EPAS1: variants seen among roughly 807,000 people sequenced by gnomAD.
EPAS1 encodes the protein endothelial PAS domain-containing protein 1.
Under a neutral mutation model 87.9 loss-of-function variants are expected in EPAS1, and 23 were observed. The ratio of observed to expected loss-of-function variants is 0.26; its 90% CI spans 0.19 to 0.37. The LOEUF (loss-of-function observed/expected upper bound fraction) is 0.37. Among genes scored for constraint, EPAS1 ranks in the 10% least tolerant of loss-of-function variants. EPAS1 has a pLI of 1.00. For synonymous variants in EPAS1, 508 were observed against 444.3 expected, an observed-to-expected ratio of 1.14 and a Z score of -1.80; for missense variants, 1,138 against 1,120.7, an observed-to-expected ratio of 1.02 and a Z score of -0.22.
intron 1 of EPAS1, among the ~76,000 whole-genome samples, chr2:46,341,500 A>G (rs773679300): frequency 6.6e-6 from 1 of 152,228 alleles, no homozygotes; most frequent in Non-Finnish European, 1.5e-5. Flanking sequence ...TCTGTGTGGC[A>G]TCTATTTCAC....
At chr2:46,370,284 G>A (rs1398136734) in intron 7 of EPAS1, among the ~76,000 whole-genome samples, 1 of 152,212 alleles carries the variant, frequency 6.6e-6, no homozygotes, top group Non-Finnish European at 1.5e-5. Flanking sequence ...GCACTGTAGA[G>A]AGTAAAATAA....
At position 46,309,689 on chromosome 2, in the gene EPAS1, A is replaced by G. The variant is rs143796294; in HGVS notation, c.26+11752A>G. Among the ~76,000 whole-genome samples, 24 of 152,284 alleles carry G rather than the reference A, an allele frequency of 1.6e-4. No homozygotes were observed. In the East Asian group the frequency reaches 4.4e-3, roughly 28 times the overall value. ...AAAATGAGAAGGCAGCAATAAACAGAGTGTGCAGGCCAGGACTGGTGAGCC... is the reference window on the plus strand; with the variant it reads ...AAAATGAGAAGGCAGCAATAAACAGGGTGTGCAGGCCAGGACTGGTGAGCC... On this transcript the variant is annotated intron_variant, in intron 1 of 15. Transcript: ENST00000263734.
At chr2:46,382,328 T>G in intron 14 of EPAS1, 97 bp from the exon 15 acceptor site, 1 of 1,501,002 alleles carries the variant, frequency 6.7e-7, no homozygotes, top group Non-Finnish European at 9.3e-7. Context: ...CTGGTGACTC[T>G]GAGCACCTTT....
At chr2:46,328,150 T>C (rs1683601938) in intron 1 of EPAS1, among the ~76,000 whole-genome samples, 1 of 152,132 alleles carries the variant, frequency 6.6e-6, no homozygotes, top group African/African-American at 2.4e-5. Flanking sequence ...TAACAAAACT[T>C]GGCAGAGACT....
chr2:46,382,644 C>G (rs2103678653), intron 15 of EPAS1, 46 bp downstream of exon 15: 1 of 1,611,216 alleles, frequency 6.2e-7, no homozygotes. Flanking sequence ...GATTCGATGC[C>G]AGGGGAAGCC....
At chr2:46,328,097 C>T (rs555554243) in intron 1 of EPAS1, among the ~76,000 whole-genome samples, 19 of 152,306 alleles carry the variant, frequency 1.2e-4, no homozygotes, top group African/African-American at 3.6e-4. Context: ...ATATGCAGAT[C>T]GGGCTGTTAG....
At chr2:46,320,212 T>G (rs972647483) in intron 1 of EPAS1, among the ~76,000 whole-genome samples, 1 of 152,234 alleles carries the variant, frequency 6.6e-6, no homozygotes, top group Non-Finnish European at 1.5e-5. Context: ...AATTGTTGCC[T>G]GCTTTTCAAA....
At chr2:46,361,851 C>T (rs142640291) in intron 6 of EPAS1, among the ~76,000 whole-genome samples, 19 of 152,276 alleles carry the variant, frequency 1.2e-4, no homozygotes, top group African/African-American at 4.1e-4. Flanking sequence ...CTGGGGTTGT[C>T]ATAGGAGGGA....
At chr2:46,384,429 T>A in intron 15 of EPAS1, 80 bp from the exon 16 acceptor site, 1 of 1,591,270 alleles carries the variant, frequency 6.3e-7, no homozygotes, top group Non-Finnish European at 8.6e-7. Context: ...TCTATTGGTA[T>A]CCCCCAGTCA....
chr2:46,376,779 C>G (rs756257587), intron 9 of EPAS1, 26 bp downstream of exon 9: 2 of 1,609,532 alleles, frequency 1.2e-6, no homozygotes, highest in South Asian at 1.1e-5. Context: ...CTAAGCCAGG[C>G]CCCTGGAACC....
At chr2:46,337,011 C>G (rs535118169) in intron 1 of EPAS1, among the ~76,000 whole-genome samples, 17 of 152,310 alleles carry the variant, frequency 1.1e-4, no homozygotes, top group African/African-American at 4.1e-4. Flanking sequence ...AGATGGAAAC[C>G]GTCTATTCTA....
chr2:46,332,772 TCCTCTG>T (rs141310803), intron 1 of EPAS1, among the ~76,000 whole-genome samples: 61,330 of 151,600 alleles, frequency 0.4, 13,133 homozygotes, highest in East Asian at 0.66. Context: ...AGCCCTGGCA[TCCTCTG>T]CCAGAAATCT....
intron 2 of EPAS1, among the ~76,000 whole-genome samples, chr2:46,351,757 G>T (rs962214809): frequency 6.6e-6 from 1 of 152,188 alleles, no homozygotes; most frequent in African/African-American, 2.4e-5. Context: ...TAGGAAACAA[G>T]AGGCAAAGCG....
In EPAS1 at chr2:46,347,778, C is replaced by A. The variant is rs567776907; in HGVS notation, c.217+715C>A. On this transcript the variant is annotated intron_variant, in intron 2 of 15. Transcript: ENST00000263734. This position sits in a 1 kb window ranked among gnomAD's most constrained non-coding sequence, Gnocchi z 4.2. The stretch of plus-strand genomic sequence containing the variant: ...AGTTACATTCTTCAAGAAACCATTT[C>A]CTATGCGTCCTGACCAGAAACAGGT... 1.3e-5 allele frequency among the ~76,000 whole-genome samples: 2 copies of A among 152,184 alleles called. No individual in the cohort carries two copies. Among genetic ancestry groups the A allele is most frequent in the African/African-American group, 4.8e-5 (2 of 41,458 alleles).
chr2:46,311,341 G>A (rs190256779), intron 1 of EPAS1, among the ~76,000 whole-genome samples: 12 of 152,276 alleles, frequency 7.9e-5, no homozygotes, highest in Admixed American at 1.3e-4. Context: ...CCTCAGGCCC[G>A]AGAGCAGGGA....
At chr2:46,338,080 G>A (rs1277332098) in intron 1 of EPAS1, among the ~76,000 whole-genome samples, 1 of 152,178 alleles carries the variant, frequency 6.6e-6, no homozygotes, top group African/African-American at 2.4e-5. Context: ...TTGAACCTGA[G>A]GGACTTGCTT....
In EPAS1 at chr2:46,347,555, ATAAAAT is replaced by A; in HGVS notation, c.217+493_217+498del. The A allele has an allele frequency of 4.6e-6, 1 of 218,112 alleles. No homozygotes were observed. The highest frequency in any genetic ancestry group is 9.3e-6 in the Non-Finnish European group (1 of 107,052). 13.5% of individuals were successfully genotyped at this position (218,112 alleles called of 1,614,324 possible). On this transcript the variant is annotated intron_variant, in intron 2 of 15. Transcript: ENST00000263734. The surrounding 1 kb of genome is among the most constrained non-coding windows in gnomAD (Gnocchi z 4.2). ...TCTCTGAACATTGGTTTCCTCGTGT[ATAAAAT>A]GGGGTTAAACATACTTCTTGCCCAG...
intron 1 of EPAS1, among the ~76,000 whole-genome samples, chr2:46,299,803 G>A (rs1372637737): frequency 3.9e-5 from 6 of 152,186 alleles, no homozygotes; most frequent in African/African-American, 1.4e-4. Flanking sequence ...TACAGTACCT[G>A]GTTCGTTAGC....
At chr2:46,337,993 T>C (rs529072592) in intron 1 of EPAS1, among the ~76,000 whole-genome samples, 1 of 152,170 alleles carries the variant, frequency 6.6e-6, no homozygotes, top group Admixed American at 6.5e-5. Context: ...CCAGACCAAG[T>C]GTATGTTTCA....
Sources: gnomAD v4.1 joint callset for allele counts (sites outside exome capture counted in the v4.1 genomes callset) on GRCh38, gnomAD v4.1.1 for gene constraint, Gnocchi (gnomAD v3.1) non-coding constraint, MANE v1.5 for transcripts, NCBI Gene and HGNC (gene_info 2026-07-23, HGNC 2026-07-21) for gene names.